The following THRB variants were observed in gnomAD, a reference collection of about 807,000 sequenced individuals.
The protein encoded by THRB is nuclear receptor subfamily 1 group A member 2.
Under a neutral mutation model 47.8 loss-of-function variants are expected in THRB, and 12 were observed. The ratio of observed to expected loss-of-function variants is 0.25; its 90% CI spans 0.16 to 0.41. THRB has a LOEUF of 0.41. Ranked by LOEUF, THRB falls within the 10% of genes least tolerant of loss-of-function variation. The pLI, the probability that THRB is intolerant of heterozygous loss-of-function variation, is 1.00. For missense variants in THRB, 348 were observed against 589.2 expected (o/e 0.59, Z 4.24); for synonymous variants, 218 against 212.2 (o/e 1.03, Z -0.24).
intron 3 of THRB, among the ~76,000 whole-genome samples, chr3:24,283,095 C>T (rs2054806770): frequency 6.6e-6 from 1 of 151,102 alleles, no homozygotes; most frequent in South Asian, 2.1e-4. Flanking sequence ...AGGCCAGCAT[C>T]ATCCTGATAC....
At chr3:24,198,456 C>A (rs1443792422) in intron 4 of THRB, among the ~76,000 whole-genome samples, 2 of 10,352 alleles carry the variant, frequency 1.9e-4, no homozygotes, top group African/African-American at 6.3e-4. Context: ...CCCCCCGCCC[C>A]CCCCCCCCCC....
chr3:24,224,880 T>A (rs1297323481), intron 4 of THRB, among the ~76,000 whole-genome samples: 1 of 152,214 alleles, frequency 6.6e-6, no homozygotes, highest in African/African-American at 2.4e-5. Context: ...CGTGACTTGC[T>A]TAGTTAACTT....
chr3:24,341,822 T>C (rs921700028), intron 1 of THRB, among the ~76,000 whole-genome samples: 2 of 152,188 alleles, frequency 1.3e-5, no homozygotes, highest in East Asian at 3.9e-4. Flanking sequence ...AGACAGCTTG[T>C]TATGGATGAG....
chr3:24,352,409 G>C (rs1258325422), intron 1 of THRB, among the ~76,000 whole-genome samples: 1 of 152,166 alleles, frequency 6.6e-6, no homozygotes, highest in East Asian at 1.9e-4. Flanking sequence ...CTGTGAGCTA[G>C]AGAAGAGAGG....
At chr3:24,161,382 A>T (rs2038789483) in intron 5 of THRB, among the ~76,000 whole-genome samples, 1 of 152,122 alleles carries the variant, frequency 6.6e-6, no homozygotes, top group Non-Finnish European at 1.5e-5. Flanking sequence ...GACTGATCAC[A>T]TCTGTGTTTA....
At chr3:24,187,360 C>G (rs2042730691) in intron 5 of THRB, among the ~76,000 whole-genome samples, 1 of 152,224 alleles carries the variant, frequency 6.6e-6, no homozygotes. Context: ...TAGAAGTGCA[C>G]TGGTCTAGCC....
intron 1 of THRB, among the ~76,000 whole-genome samples, chr3:24,419,792 G>A (rs2069076164): frequency 1.3e-5 from 2 of 151,906 alleles, no homozygotes; most frequent in South Asian, 2.1e-4. Context: ...TTTGCAGACA[G>A]CAACTCTACA....
chr3:24,143,766 T>C lies in THRB; in HGVS notation c.533-60A>G, dbSNP rs2035749457. The C allele has an allele frequency of 1.3e-5, 20 of 1,573,672 alleles. No homozygotes were observed. The South Asian group carries it at 2.2e-4, about 17-fold the overall frequency. ...GATGCTCCCAAGATACACAGCAAGC[T>C]GCACTTCCTGGAGCCTCAGGAGTGG... On this transcript the variant is annotated intron_variant, in intron 7 of 10. Coordinates refer to ENST00000646209, the MANE Select transcript of THRB (RefSeq NM_001354712.2).
In THRB at chr3:24,299,776, T is replaced by TTTG; in HGVS notation, c.-188-2406_-188-2405insCAA. Among the ~76,000 whole-genome samples, 2 of 90,298 alleles carry TTTG rather than the reference T, an allele frequency of 2.2e-5. 1 individual carries two copies. The highest frequency in any genetic ancestry group is 4.3e-5 in the Non-Finnish European group (2 of 46,056). The allele number at this position is 90,298 out of a possible 152,430, so 59.2% of individuals were successfully genotyped here. A position where few individuals can be genotyped will look rare whatever the true frequency, so the allele number is the denominator to read the frequency against. On this transcript the variant is annotated intron_variant, in intron 2 of 10. Coordinates refer to ENST00000646209, the MANE Select transcript of THRB (RefSeq NM_001354712.2). ...TTCTGGGGAAGTATGCTTTTTTATT[T>TTTG]ATTTATTTATTTATTTTTTTTTTTT... is the stretch of plus-strand genomic sequence containing the variant.
At chr3:24,434,907 G>A (rs1260534206) in intron 1 of THRB, among the ~76,000 whole-genome samples, 4 of 152,152 alleles carry the variant, frequency 2.6e-5, no homozygotes, top group Admixed American at 6.5e-5. Flanking sequence ...ACTGGTCATC[G>A]GAATTTTACT....
intron 3 of THRB, among the ~76,000 whole-genome samples, chr3:24,232,707 A>C (rs1353009440): frequency 1.3e-5 from 2 of 152,148 alleles, no homozygotes; most frequent in Admixed American, 6.5e-5. Context: ...GTGGGTGGAA[A>C]GCAGACTGGT....
intron 1 of THRB, among the ~76,000 whole-genome samples, chr3:24,372,906 AAG>A (rs1404737071): frequency 6.6e-6 from 1 of 152,090 alleles, no homozygotes; most frequent in Non-Finnish European, 1.5e-5. Context: ...AGAATATCAA[AAG>A]AGAGAATGTT....
At chr3:24,277,835 C>T (rs2054094650) in intron 3 of THRB, among the ~76,000 whole-genome samples, 1 of 152,170 alleles carries the variant, frequency 6.6e-6, no homozygotes, top group East Asian at 1.9e-4. Context: ...GAATTACTGG[C>T]AGTCTCTAAG....
At position 24,119,965 on chromosome 3, in the gene THRB, C is replaced by T. The variant is rs905143578; in HGVS notation, c.*2919G>A. 6.6e-6 allele frequency: 1 copy of T among 152,186 alleles called. No homozygotes were observed. The highest frequency in any genetic ancestry group is 1.5e-5 in the Non-Finnish European group (1 of 68,068). 9.4% of individuals were successfully genotyped at this position (152,186 alleles called of 1,614,324 possible). ...AATCCCAGCATAATGGGTGTGTTCTCCTCTACTGAGACGTCTCCCTGCCGA... is the reference window on the plus strand; with the variant it reads ...AATCCCAGCATAATGGGTGTGTTCTTCTCTACTGAGACGTCTCCCTGCCGA... On this transcript the variant is annotated 3_prime_UTR_variant, in exon 11 of 11. Transcript: ENST00000646209.
At chr3:24,269,643 C>T (rs2053120827) in intron 3 of THRB, among the ~76,000 whole-genome samples, 1 of 149,440 alleles carries the variant, frequency 6.7e-6, no homozygotes, top group African/African-American at 2.5e-5. Context: ...ACCATGTTGC[C>T]TCAGTTGGTC....
Position 24,481,547 on chromosome 3 carries a change from T to C in THRB, c.-261+13105A>G, listed in dbSNP as rs530166346. The stretch of plus-strand genomic sequence containing the variant: ...TAGAACTTAAAATCTAGCAAAGAAA[T>C]ATCTCATTGACAAATAAGGGGTGTG... On this transcript the variant is annotated intron_variant, in intron 1 of 10. Coordinates refer to ENST00000646209, the MANE Select transcript of THRB (RefSeq NM_001354712.2). Among the ~76,000 whole-genome samples the C allele has an allele frequency of 2.6e-5, 4 of 152,104 alleles. No homozygotes were observed. The South Asian group carries it at 8.3e-4, about 32-fold the overall frequency.
At chr3:24,228,006 G>A (rs2047847560) in intron 4 of THRB, among the ~76,000 whole-genome samples, 1 of 152,048 alleles carries the variant, frequency 6.6e-6, no homozygotes, top group African/African-American at 2.4e-5. Flanking sequence ...CTAAAATTTG[G>A]GATATTTCAT....
chr3:24,472,927 C>G (rs926830777), intron 1 of THRB, among the ~76,000 whole-genome samples: 1 of 152,018 alleles, frequency 6.6e-6, no homozygotes, highest in South Asian at 2.1e-4. Context: ...TTAATATTTA[C>G]AAATTTATAC....
chr3:24,434,959 T>A (rs991842857), intron 1 of THRB, among the ~76,000 whole-genome samples: 3 of 152,172 alleles, frequency 2.0e-5, no homozygotes, highest in African/African-American at 7.2e-5. Flanking sequence ...TCATGAGGAA[T>A]GGGGCATGTT....
Sources: allele counts gnomAD v4.1 joint callset (sites outside exome capture counted in the v4.1 genomes callset), GRCh38; gene constraint gnomAD v4.1.1; transcripts MANE v1.5; gene names NCBI Gene and HGNC (gene_info 2026-07-23, HGNC 2026-07-21).